ZAN: variants seen among roughly 807,000 people sequenced by gnomAD.
ZAN encodes zonadhesin (gene/pseudogene).
ZAN carries 260 observed loss-of-function variants against 286.2 expected under a neutral mutation model. The ratio of observed to expected loss-of-function variants is 0.91; its 90% CI spans 0.82 to 1.01. The LOEUF is 1.01. Among genes scored for constraint, ZAN ranks in the 50% least tolerant of loss-of-function variants. The pLI, the probability that ZAN is intolerant of heterozygous loss-of-function variation, is 0.00. For synonymous variants in ZAN, 1,368 were observed against 1,417.5 expected (o/e 0.97, Z 0.79); for missense variants, 3,410 against 3,639.2 (o/e 0.94, Z 1.62).
At chr7:100,793,764 G>T in intron 42 of ZAN, 56 bp from the exon 43 acceptor site, 1 of 1,523,080 alleles carries the variant, frequency 6.6e-7, no homozygotes, top group Non-Finnish European at 8.8e-7. Context: ...GGGTGACCTT[G>T]CCCCTGTTTG....
chr7:100,755,715 G>A (rs1809099692), intron 15 of ZAN, among the ~76,000 whole-genome samples: 1 of 152,042 alleles, frequency 6.6e-6, no homozygotes, highest in Admixed American at 6.6e-5. Context: ...GGGACTGCAG[G>A]CACATGCCAC....
chr7:100,763,889 G>A lies in ZAN; in HGVS notation c.4070G>A (p.Arg1357Gln), dbSNP rs771923416. The change falls in exon 21 of 48, where the codon CGG becomes CAG. Residue 1357 changes from arginine to glutamine, a missense_variant. Coordinates refer to ENST00000613979, the MANE Select transcript of ZAN (RefSeq NM_003386.3). The surrounding 1 kb of genome is among the most constrained non-coding windows in gnomAD (Gnocchi z 4.6). ...ATGTCGGGGCCAGGGTTCTGTGGAC[G>A]GCTGGTCGACACTCATGGCCCATTT... ...SSMSGPGFCGRLVDTHGPFET... is the reference protein window; with the variant it reads ...SSMSGPGFCGQLVDTHGPFET... 65 of 1,613,880 alleles carry A rather than the reference G, an allele frequency of 4.0e-5. No homozygotes were observed. The highest frequency in any genetic ancestry group is 1.6e-4 in the East Asian group (7 of 44,898).
In ZAN at chr7:100,776,718, C is replaced by CTTTTTTTTTTTTTT. The variant is rs1161585746; in HGVS notation, c.6317+166_6317+179dup. Among the ~76,000 whole-genome samples, 11 of 47,502 alleles carry CTTTTTTTTTTTTTT rather than the reference C, an allele frequency of 2.3e-4. 2 individuals carry two copies. Among genetic ancestry groups the CTTTTTTTTTTTTTT allele is most frequent in the Admixed American group, 8.9e-4 (2 of 2,238 alleles). 31.2% of individuals were successfully genotyped at this position (47,502 alleles called of 152,430 possible). On this transcript the variant is annotated intron_variant, in intron 34 of 47. Coordinates refer to ENST00000613979, the MANE Select transcript of ZAN (RefSeq NM_003386.3). Reference sequence around the variant, plus strand: ...TCTCTTTCTTTTCTTCCTCTCCTTTCTTTTTTTTTTTTTTTTTTTTTTTTT... The same window carrying CTTTTTTTTTTTTTT: ...TCTCTTTCTTTTCTTCCTCTCCTTTCTTTTTTTTTTTTTTTTTTTTTTTTTTTTTTTTTTTTTTT...
chr7:100,744,285 G>C (rs916452711), intron 7 of ZAN, among the ~76,000 whole-genome samples: 3 of 150,902 alleles, frequency 2.0e-5, no homozygotes, highest in African/African-American at 7.3e-5. Flanking sequence ...GATCTTTCCT[G>C]CTGCCTAAAC....
chr7:100,737,416 G>A lies in ZAN; in HGVS notation c.613+67G>A. 2 of 1,176,728 alleles carry A rather than the reference G, an allele frequency of 1.7e-6. 1 individual carries two copies. Among genetic ancestry groups the A allele is most frequent in the Non-Finnish European group, 2.4e-6 (2 of 845,968 alleles). 72.9% of individuals were successfully genotyped at this position (1,176,728 alleles called of 1,614,324 possible). A position where few individuals can be genotyped will look rare whatever the true frequency, so the allele number is the denominator to read the frequency against. On this transcript the variant is annotated intron_variant, in intron 6 of 47. Transcript: ENST00000613979. ...TCTCTCCGTCCTTGCACAACAAGAA[G>A]AGGATCCAGGGCGGGCGCGGTGGCT...
intron 2 of ZAN, among the ~76,000 whole-genome samples, chr7:100,734,954 G>A (rs190111227): frequency 0.01 from 1,443 of 137,840 alleles, 235 homozygotes; most frequent in African/African-American, 0.037. Context: ...GGGAGGCCGA[G>A]GCGGGCGGAT....
Position 100,737,039 on chromosome 7 carries a change from A to G in ZAN, c.484A>G (p.Thr162Ala). The G allele has an allele frequency of 6.7e-7, 1 of 1,498,854 alleles. No homozygotes were observed. Among genetic ancestry groups the G allele is most frequent in the Non-Finnish European group, 9.1e-7 (1 of 1,095,812 alleles). The allele number at this position is 1,498,854 out of a possible 1,614,324, so 92.8% of individuals were successfully genotyped here. The change falls in exon 5 of 48, where the codon ACC (threonine) becomes GCC (alanine). Residue 162 changes from threonine to alanine, a missense_variant. Physicochemically the swap from Thr to Ala is moderately conservative, Grantham distance 58 (BLOSUM62 0). Coordinates refer to ENST00000613979, the MANE Select transcript of ZAN (RefSeq NM_003386.3). Reference sequence around the variant, plus strand: ...CACCCAGAGACCCTCCTGGATGCTCACCACCGTCACTGTGCCCGCAGGGTT... The same window carrying G: ...CACCCAGAGACCCTCCTGGATGCTCGCCACCGTCACTGTGCCCGCAGGGTT... ...WNTQRPSWML[T>A]TVTVPAGFTL...
chr7:100,775,908 A>C, intron 33 of ZAN, 75 bp downstream of exon 33: 1 of 1,566,306 alleles, frequency 6.4e-7, no homozygotes, highest in Non-Finnish European at 8.7e-7. Context: ...GATGGGGGGC[A>C]GTGTTCGCAT....
chr7:100,741,890 A>ACC (rs1807807566), intron 7 of ZAN, among the ~76,000 whole-genome samples: 1 of 6,168 alleles, frequency 1.6e-4, no homozygotes, highest in Non-Finnish European at 3.7e-4. Context: ...TCCCTCCCGG[A>ACC]TGGCACGGCT....
Position 100,758,337 on chromosome 7 carries a change from C to T in ZAN, c.3445C>T (p.Pro1149Ser), listed in dbSNP as rs1224741821. 1.2e-6 allele frequency: 2 copies of T among 1,612,032 alleles called. No homozygotes were observed. The highest frequency in any genetic ancestry group is 1.3e-5 in the African/African-American group (1 of 74,894). Reference protein sequence around the residue: ...QLKNGQYGCHPYAGTATCLVY... With the variant: ...QLKNGQYGCHSYAGTATCLVY... ...TAAGAATGGCCAGTATGGATGCCAC[C>T]CCTACGGTGAGAGCCCCTCCCCATG... Residue 1149 changes from proline to serine, a missense_variant, in exon 16 of 48, where the codon CCC becomes TCC. Around this residue, in one of 7 missense-constraint regions of ZAN, gnomAD observed 1,042 missense variants for 1,058.0 expected, o/e 0.98. Transcript: ENST00000613979.
rs1321891977 is a variant in ZAN, at chr7:100,773,512, G to T, written c.5634+19G>T. On this transcript the variant is annotated intron_variant, in intron 30 of 47. Transcript: ENST00000613979. Reference sequence around the variant, plus strand: ...CCACCCGGTGAGAGGCCAGCTAGGAGGGGCCCCGCCCTTTCCAGGCCCACA... The same window carrying T: ...CCACCCGGTGAGAGGCCAGCTAGGATGGGCCCCGCCCTTTCCAGGCCCACA... 2 of 1,611,668 alleles carry T rather than the reference G, an allele frequency of 1.2e-6. No individual in the cohort carries two copies. Among genetic ancestry groups the T allele is most frequent in the Non-Finnish European group, 1.7e-6 (2 of 1,179,084 alleles).
At chr7:100,739,030 G>A (rs1395948128) in intron 7 of ZAN, among the ~76,000 whole-genome samples, 1 of 97,288 alleles carries the variant, frequency 1.0e-5, no homozygotes, top group African/African-American at 4.0e-5. Context: ...TTTTTTTTTT[G>A]AAGCAGAGTC....
rs1811607576 is a variant in ZAN, at chr7:100,787,080, A to T, written c.6980-809A>T. ...TTGTCTCAAAAAAATAAAAAAATAA[A>T]AATAATAATAAAGGGCCTCTAATTG... On this transcript the variant is annotated intron_variant, in intron 37 of 47. Coordinates refer to ENST00000613979, the MANE Select transcript of ZAN (RefSeq NM_003386.3). Among the ~76,000 whole-genome samples the T allele has an allele frequency of 2.0e-5, 3 of 151,348 alleles. No individual in the cohort carries two copies. In the South Asian group the frequency reaches 6.3e-4, roughly 32 times the overall value.
At chr7:100,777,451 T>C (rs1464211725) in intron 34 of ZAN, among the ~76,000 whole-genome samples, 3 of 150,634 alleles carry the variant, frequency 2.0e-5, no homozygotes, top group Non-Finnish European at 4.4e-5. Context: ...GCTTCCGGGG[T>C]TCAAGCAATT....
rs1235357966 is a variant in ZAN at position 100,767,891 on chromosome 7, C to G, written c.4921C>G (p.Leu1641Val). Residue 1641 changes from leucine to valine, a missense_variant, in exon 26 of 48, where the codon CTC (leucine) becomes GTC (valine). Physicochemically the swap from Leu to Val is conservative, Grantham distance 32 (BLOSUM62 1). Transcript: ENST00000613979. ...TGCACAAGGCCGGGTGACCATAAGG[C>G]TCAGCAGCAACCTCGTCCTCCTCTA... ...WLAQGRVTIRLSSNLVLLYTN... is the reference protein window; with the variant it reads ...WLAQGRVTIRVSSNLVLLYTN... 6.2e-7 allele frequency: 1 copy of G among 1,613,932 alleles called. No individual in the cohort carries two copies. The highest frequency in any genetic ancestry group is 8.5e-7 in the Non-Finnish European group (1 of 1,179,866).
chr7:100,754,017 C>T (rs1173347087), intron 14 of ZAN, among the ~76,000 whole-genome samples: 1 of 152,094 alleles, frequency 6.6e-6, no homozygotes, highest in Non-Finnish European at 1.5e-5. Flanking sequence ...ACATTTCTTT[C>T]CTATATCCAT....
rs114951143 is a variant in ZAN, at chr7:100,771,386, C to T, written c.5249-458C>T. On this transcript the variant is annotated intron_variant, in intron 28 of 47. Coordinates refer to ENST00000613979, the MANE Select transcript of ZAN (RefSeq NM_003386.3). Reference sequence around the variant, plus strand: ...CATGGCCGGCTAATTTTTGTACAGACACAGTTTCACTGTATTGCTCAGGCT... The same window carrying T: ...CATGGCCGGCTAATTTTTGTACAGATACAGTTTCACTGTATTGCTCAGGCT... Among the ~76,000 whole-genome samples, 1,183 of 151,978 alleles carry T rather than the reference C, an allele frequency of 7.8e-3. 15 individuals carry two copies. The highest frequency in any genetic ancestry group is 0.027 in the African/African-American group (1,122 of 41,458).
At chr7:100,789,579 G>T (rs544165697) in intron 39 of ZAN, among the ~76,000 whole-genome samples, 1 of 152,160 alleles carries the variant, frequency 6.6e-6, no homozygotes, top group Admixed American at 6.6e-5. Flanking sequence ...GGAAGCTGAG[G>T]TGGGAGGATC....
At chr7:100,764,306 C>A in intron 22 of ZAN, 110 bp downstream of exon 22, 3 of 1,323,746 alleles carry the variant, frequency 2.3e-6, no homozygotes, top group Non-Finnish European at 3.0e-6. Context: ...AGTTTGGGAC[C>A]AGCCTGGCCA....
Sources: allele counts gnomAD v4.1 joint callset (sites outside exome capture counted in the v4.1 genomes callset), GRCh38; gene constraint gnomAD v4.1.1; regional missense constraint gnomAD v4.1.1; non-coding constraint Gnocchi (gnomAD v3.1); transcripts MANE v1.5; gene names NCBI Gene and HGNC (gene_info 2026-07-23, HGNC 2026-07-21).